The following MGAT4C variants were observed in gnomAD, a reference collection of about 807,000 sequenced individuals.
The protein encoded by MGAT4C is alpha-1,3-mannosyl-glycoprotein 4-beta-N-acetylglucosaminyltransferase C.
In MGAT4C, 19 loss-of-function variants were observed where a neutral mutation model predicts 40.1. That is an observed-to-expected ratio of 0.47 (90% confidence interval 0.33 to 0.70). The LOEUF (loss-of-function observed/expected upper bound fraction) is 0.70, where lower values mean the gene tolerates loss of function less well. Among genes scored for constraint, MGAT4C ranks in the 30% least tolerant of loss-of-function variants. The pLI, the probability that MGAT4C is intolerant of heterozygous loss-of-function variation, is 0.02. For missense variants in MGAT4C, 491 were observed against 563.2 expected (o/e 0.87, Z 1.30); for synonymous variants, 181 against 187.1 (o/e 0.97, Z 0.27).
chr12:86,352,949 A>G (rs1319477447), intron 3 of MGAT4C, among the ~76,000 whole-genome samples: 3 of 151,780 alleles, frequency 2.0e-5, no homozygotes, highest in African/African-American at 7.3e-5. Flanking sequence ...GCATACCAAC[A>G]TGGCACATGT....
chr12:86,702,115 G>C (rs188114786), intron 2 of MGAT4C, among the ~76,000 whole-genome samples: 22 of 152,116 alleles, frequency 1.4e-4, no homozygotes, highest in Admixed American at 1.1e-3. Context: ...TCAACCCCCT[G>C]GGCTTAAGAG....
Position 85,964,372 on chromosome 12 carries a change from G to A in MGAT4C, c.*14917C>T, listed in dbSNP as rs1883253521. On this transcript the variant is annotated 3_prime_UTR_variant, in exon 5 of 5. Transcript: ENST00000611864. ...TTATGCAAGGATTTATTATCACATT[G>A]GCCACAGAACACATAGAATGTTAGT... is the stretch of plus-strand genomic sequence containing the variant. 6.6e-6 allele frequency: 1 copy of A among 151,872 alleles called. No individual in the cohort carries two copies. The highest frequency in any genetic ancestry group is 6.6e-5 in the Admixed American group (1 of 15,220). The allele number at this position is 151,872 out of a possible 1,614,324, so 9.4% of individuals were successfully genotyped here.
chr12:86,212,200 T>C lies in MGAT4C; in HGVS notation c.-57+44039A>G, dbSNP rs79181868. On this transcript the variant is annotated intron_variant, in intron 1 of 4. Transcript: ENST00000611864. ...ATTCTTTTCAAATCAGTATAGGTTT[T>C]TCTCTAACCAAATAGCATCCCGCCA... Among the ~76,000 whole-genome samples the C allele has an allele frequency of 1.2e-3, 186 of 152,280 alleles. 1 individual carries two copies. The highest frequency in any genetic ancestry group is 4.2e-3 in the African/African-American group (175 of 41,554).
chr12:86,392,252 A>G (rs879276821), intron 3 of MGAT4C, among the ~76,000 whole-genome samples: 2 of 152,104 alleles, frequency 1.3e-5, no homozygotes, highest in Non-Finnish European at 2.9e-5. Context: ...CAGGCGGATC[A>G]CCTGAGGTCA....
At chr12:86,602,628 A>G (rs1052803616) in intron 2 of MGAT4C, among the ~76,000 whole-genome samples, 1 of 152,144 alleles carries the variant, frequency 6.6e-6, no homozygotes, top group Admixed American at 6.5e-5. Context: ...CAACCCTAAA[A>G]GTTATTTAAA....
intron 4 of MGAT4C, among the ~76,000 whole-genome samples, chr12:86,275,455 T>C (rs7312245): frequency 0.89 from 135,440 of 152,200 alleles, 60,468 homozygotes; most frequent in East Asian, 1. Flanking sequence ...CTGTTGTAGT[T>C]GGATAATGAC....
chr12:86,362,258 G>A (rs1246789469), intron 3 of MGAT4C, among the ~76,000 whole-genome samples: 1 of 152,156 alleles, frequency 6.6e-6, no homozygotes, highest in Non-Finnish European at 1.5e-5. Flanking sequence ...AACACTGCAT[G>A]TTCTCACTCA....
intron 1 of MGAT4C, among the ~76,000 whole-genome samples, chr12:86,147,053 G>T (rs1883616768): frequency 6.6e-6 from 1 of 152,088 alleles, no homozygotes. Flanking sequence ...TCTAGAAAAA[G>T]ATGTGGAACA....
chr12:86,343,876 T>C (rs1954957791), intron 3 of MGAT4C, among the ~76,000 whole-genome samples: 1 of 151,860 alleles, frequency 6.6e-6, no homozygotes, highest in Non-Finnish European at 1.5e-5. Flanking sequence ...TTTGAATGTG[T>C]TTTTTTTATA....
intron 2 of MGAT4C, among the ~76,000 whole-genome samples, chr12:86,617,184 C>G (rs891564367): frequency 5.3e-5 from 8 of 152,164 alleles, no homozygotes; most frequent in Non-Finnish European, 2.9e-5. Flanking sequence ...CATTTTTTCT[C>G]TACAAACTGA....
chr12:86,427,432 T>C (rs1324229556), intron 3 of MGAT4C, among the ~76,000 whole-genome samples: 1 of 152,040 alleles, frequency 6.6e-6, no homozygotes, highest in Admixed American at 6.6e-5. Context: ...GAAAAGTTAA[T>C]AATATCATGG....
rs1884091224 is a variant in MGAT4C at position 85,977,619 on chromosome 12, T to C, written c.*1670A>G. The C allele has an allele frequency of 6.6e-6, 1 of 151,518 alleles. No individual in the cohort carries two copies. Among genetic ancestry groups the C allele is most frequent in the Non-Finnish European group, 1.5e-5 (1 of 67,582 alleles). 9.4% of individuals were successfully genotyped at this position (151,518 alleles called of 1,614,324 possible). A position where few individuals can be genotyped will look rare whatever the true frequency, so the allele number is the denominator to read the frequency against. Reference sequence around the variant, plus strand: ...AATGAAATAAAAAGTTTCCATTTTTTATCTGAGTTTCTCATTTATTTGCAG... The same window carrying C: ...AATGAAATAAAAAGTTTCCATTTTTCATCTGAGTTTCTCATTTATTTGCAG... On this transcript the variant is annotated 3_prime_UTR_variant, in exon 5 of 5. Coordinates refer to ENST00000611864, the MANE Select transcript of MGAT4C (RefSeq NM_001351288.2).
At chr12:86,311,626 C>A (rs1347840360) in intron 4 of MGAT4C, among the ~76,000 whole-genome samples, 1 of 152,144 alleles carries the variant, frequency 6.6e-6, no homozygotes, top group African/African-American at 2.4e-5. Context: ...AAGGGTTCTG[C>A]ACTCAGAAAG....
intron 1 of MGAT4C, among the ~76,000 whole-genome samples, chr12:86,105,094 T>C (rs1291266734): frequency 6.6e-6 from 1 of 152,182 alleles, no homozygotes; most frequent in Non-Finnish European, 1.5e-5. Flanking sequence ...TAAAATGTGA[T>C]ATTCTAAATC....
intron 2 of MGAT4C, among the ~76,000 whole-genome samples, chr12:86,545,071 C>T (rs962018439): frequency 9.9e-5 from 15 of 151,936 alleles, no homozygotes; most frequent in African/African-American, 3.1e-4. Flanking sequence ...AAATATTTCT[C>T]GCTATGGATC....
chr12:86,146,695 T>C (rs988892809), intron 1 of MGAT4C, among the ~76,000 whole-genome samples: 12 of 151,948 alleles, frequency 7.9e-5, no homozygotes, highest in African/African-American at 2.9e-4. Flanking sequence ...TATTATTTTA[T>C]TTATTAATTA....
intron 1 of MGAT4C, among the ~76,000 whole-genome samples, chr12:86,050,221 A>G (rs1892767500): frequency 6.6e-6 from 1 of 152,004 alleles, no homozygotes; most frequent in South Asian, 2.1e-4. Context: ...AAAGGTTACA[A>G]CATTCAAGAG....
At chr12:86,046,220 T>C (rs1316921825) in intron 2 of MGAT4C, among the ~76,000 whole-genome samples, 1 of 152,206 alleles carries the variant, frequency 6.6e-6, no homozygotes, top group African/African-American at 2.4e-5. Context: ...TATGACTTTG[T>C]AACCTCTCCC....
chr12:86,065,999 C>T (rs1314087576), intron 1 of MGAT4C, among the ~76,000 whole-genome samples: 4 of 152,134 alleles, frequency 2.6e-5, no homozygotes, highest in Non-Finnish European at 5.9e-5. Context: ...ATCCAACTTA[C>T]AAGGGATGTG....
Sources: allele counts gnomAD v4.1 joint callset (sites outside exome capture counted in the v4.1 genomes callset), GRCh38; gene constraint gnomAD v4.1.1; transcripts MANE v1.5; gene names NCBI Gene and HGNC (gene_info 2026-07-23, HGNC 2026-07-21).